The following ZNF865 variants were observed in gnomAD, a reference collection of about 807,000 sequenced individuals.
ZNF865 encodes zinc finger protein 865.
For missense variants in ZNF865, 1,311 were observed against 1,593.4 expected, an observed-to-expected ratio of 0.82 and a Z score of 3.02; for synonymous variants, 763 against 750.8, an observed-to-expected ratio of 1.02 and a Z score of -0.27.
chr19:55,615,591 G>T lies in ZNF865; in HGVS notation c.1973G>T (p.Gly658Val). The change falls in exon 2 of 2, where the codon GGC becomes GTC. Residue 658 changes from glycine (G) to valine (V), a missense_variant. By Grantham distance (109) the Gly-to-Val change is moderately radical (BLOSUM62 -3). Transcript: ENST00000568956. ...GGGGCCTGTGGGCCCGGGGCCTCGGGCACGTCTGCAGGGCCCACCGATGGG... is the reference window on the plus strand; with the variant it reads ...GGGGCCTGTGGGCCCGGGGCCTCGGTCACGTCTGCAGGGCCCACCGATGGG... Reference protein sequence around the residue: ...TPGACGPGASGTSAGPTDGLS... With the variant: ...TPGACGPGASVTSAGPTDGLS... The T allele has an allele frequency of 3.9e-6, 6 of 1,531,614 alleles. No individual in the cohort carries two copies. The highest frequency in any genetic ancestry group is 5.2e-6 in the Non-Finnish European group (6 of 1,145,080). 94.9% of individuals were successfully genotyped at this position (1,531,614 alleles called of 1,614,324 possible).
chr19:55,609,576 G>T (rs547683857), intron 1 of ZNF865, among the ~76,000 whole-genome samples: 1 of 152,338 alleles, frequency 6.6e-6, no homozygotes, highest in South Asian at 2.1e-4. Context: ...GCATCAGAAA[G>T]ACCTGGAATC....
rs1981131523 is a variant in ZNF865, at chr19:55,611,460, C to T, written c.-26-2133C>T. 6.6e-6 allele frequency among the ~76,000 whole-genome samples: 1 copy of T among 152,224 alleles called. No individual in the cohort carries two copies. Among genetic ancestry groups the T allele is most frequent in the African/African-American group, 2.4e-5 (1 of 41,454 alleles). The stretch of plus-strand genomic sequence containing the variant: ...GTCTCCCCAACTTAGGTTCCACCTA[C>T]AGCCTTCCAATTACCACCCCAGCCA... On this transcript the variant is annotated intron_variant, in intron 1 of 1. Transcript: ENST00000568956. The surrounding 1 kb of genome is among the most constrained non-coding windows in gnomAD (Gnocchi z 4.5).
At chr19:55,610,941 C>T (rs1981111214) in intron 1 of ZNF865, among the ~76,000 whole-genome samples, 1 of 152,164 alleles carries the variant, frequency 6.6e-6, no homozygotes, top group Non-Finnish European at 1.5e-5. Flanking sequence ...CCTCTCCCAC[C>T]AGGCCCCTTG....
intron 1 of ZNF865, among the ~76,000 whole-genome samples, chr19:55,608,550 G>A (rs1244817886): frequency 2.0e-5 from 3 of 152,090 alleles, no homozygotes; most frequent in African/African-American, 7.2e-5. Flanking sequence ...CCGACCTCAG[G>A]TGATCCGCCT....
chr19:55,613,630 C>T lies in ZNF865; in HGVS notation c.12C>T (p.Asn4=). The T allele has an allele frequency of 6.6e-7, 1 of 1,520,294 alleles. No homozygotes were observed. The highest frequency in any genetic ancestry group is 8.8e-7 in the Non-Finnish European group (1 of 1,138,800). 94.2% of individuals were successfully genotyped at this position (1,520,294 alleles called of 1,614,324 possible). MEA[N]PAGSGAGGGG... ...CCCACCCGCCGGAGATGGAGGCGAA[C>T]CCAGCGGGCAGCGGCGCCGGGGGTG... The change falls in exon 2 of 2, where the codon AAC becomes AAT. Residue 4 remains asparagine (N), a synonymous_variant. Coordinates refer to ENST00000568956, the MANE Select transcript of ZNF865 (RefSeq NM_001195605.2).
rs1341214505 is a variant in ZNF865 at position 55,614,762 on chromosome 19, G to A, written c.1144G>A (p.Val382Met). The A allele has an allele frequency of 2.5e-6, 4 of 1,579,038 alleles. No individual in the cohort carries two copies. The highest frequency in any genetic ancestry group is 2.6e-6 in the Non-Finnish European group (3 of 1,170,842). ...HTGEKPFSCS[V>M]CSKSFNRRES... ...GGGCGAGAAGCCCTTCTCCTGCTCC[G>A]TGTGCAGCAAAAGCTTCAACCGCAG... The change falls in exon 2 of 2, where the codon GTG (valine) becomes ATG (methionine). Residue 382 changes from valine to methionine, a missense_variant. Physicochemically the swap from Val to Met is conservative, Grantham distance 21 (BLOSUM62 1). Coordinates refer to ENST00000568956, the MANE Select transcript of ZNF865 (RefSeq NM_001195605.2). This position sits in a 1 kb window ranked among gnomAD's most constrained non-coding sequence, Gnocchi z 8.0.
In ZNF865 at chr19:55,613,892, CCCTCCTCGTCCTCGTCCTCGT is replaced by C. The variant is rs947720047; in HGVS notation, c.282_302del (p.Ser111_Ser117del). 3.5e-6 allele frequency: 5 copies of C among 1,441,430 alleles called. No individual in the cohort carries two copies. Among genetic ancestry groups the C allele is most frequent in the Non-Finnish European group, 4.6e-6 (5 of 1,084,088 alleles). The allele number at this position is 1,441,430 out of a possible 1,614,324, so 89.3% of individuals were successfully genotyped here. On this transcript the variant is annotated inframe_deletion, in exon 2 of 2. Coordinates refer to ENST00000568956, the MANE Select transcript of ZNF865 (RefSeq NM_001195605.2). ...CACCTTCAAGCCCAAGGCGGAGGTG[CCCTCCTCGTCCTCGTCCTCGT>C]CCTCCTCCTCCTCCTCTTCGTCCTC...
chr19:55,616,893 C>T lies in ZNF865; in HGVS notation c.*95C>T, dbSNP rs1367246111. ...CTCTTCCCCCCTCCTCGCTGTTGCC[C>T]CATCCTTCAGAACTTCACACGGACT... On this transcript the variant is annotated 3_prime_UTR_variant, in exon 2 of 2. Coordinates refer to ENST00000568956, the MANE Select transcript of ZNF865 (RefSeq NM_001195605.2). The T allele has an allele frequency of 7.6e-7, 1 of 1,318,880 alleles. No homozygotes were observed. The highest frequency in any genetic ancestry group is 1.7e-5 in the South Asian group (1 of 58,868). The allele number at this position is 1,318,880 out of a possible 1,614,324, so 81.7% of individuals were successfully genotyped here. A position where few individuals can be genotyped will look rare whatever the true frequency, so the allele number is the denominator to read the frequency against.
Position 55,615,180 on chromosome 19 carries a change from C to T in ZNF865, c.1562C>T (p.Pro521Leu). ...AAVVYGAVPV[P>L]LLGAHPLLLG... ...GTGGTGTACGGCGCTGTGCCCGTCC[C>T]GCTCCTGGGCGCCCACCCGCTGCTG... The change falls in exon 2 of 2, where the codon CCG becomes CTG. Residue 521 changes from proline to leucine, a missense_variant. Pro to Leu is a moderately conservative substitution (Grantham distance 98). Coordinates refer to ENST00000568956, the MANE Select transcript of ZNF865 (RefSeq NM_001195605.2). The T allele has an allele frequency of 7.2e-7, 1 of 1,389,808 alleles. No homozygotes were observed. Among genetic ancestry groups the T allele is most frequent in the Non-Finnish European group, 9.2e-7 (1 of 1,083,040 alleles). 86.1% of individuals were successfully genotyped at this position (1,389,808 alleles called of 1,614,324 possible).
At chr19:55,612,002 T>C (rs934695841) in intron 1 of ZNF865, among the ~76,000 whole-genome samples, 1 of 151,600 alleles carries the variant, frequency 6.6e-6, no homozygotes, top group Non-Finnish European at 1.5e-5. Flanking sequence ...GAAGCCCCAC[T>C]AAGGGCAAGG....
At position 55,614,445 on chromosome 19, in the gene ZNF865, A is replaced by T; in HGVS notation, c.827A>T (p.Asp276Val). The change falls in exon 2 of 2, where the codon GAC becomes GTC. Residue 276 changes from aspartate to valine, a missense_variant. Physicochemically the swap from Asp to Val is radical, Grantham distance 152. Transcript: ENST00000568956. This position sits in a 1 kb window ranked among gnomAD's most constrained non-coding sequence, Gnocchi z 8.0. The stretch of plus-strand genomic sequence containing the variant: ...ATCCGCCACCGCCGCTGCCACAAGG[A>T]CGTGCCACCGGCCGCGGGGGGCCCG... ...SLIRHRRCHK[D>V]VPPAAGGPPQ... The T allele has an allele frequency of 3.5e-6, 5 of 1,437,308 alleles. No homozygotes were observed. Among genetic ancestry groups the T allele is most frequent in the South Asian group, 1.3e-5 (1 of 74,464 alleles). 89.0% of individuals were successfully genotyped at this position (1,437,308 alleles called of 1,614,324 possible). A position where few individuals can be genotyped will look rare whatever the true frequency, so the allele number is the denominator to read the frequency against.
intron 1 of ZNF865, among the ~76,000 whole-genome samples, chr19:55,608,786 T>G (rs1304628388): frequency 6.6e-6 from 1 of 152,158 alleles, no homozygotes; most frequent in African/African-American, 2.4e-5. Flanking sequence ...TTGTTAGAGG[T>G]CAACAAATGT....
rs949595064 is a variant in ZNF865, at chr19:55,614,935, C to G, written c.1317C>G (p.Pro439=). The change falls in exon 2 of 2, where the codon CCC becomes CCG. Residue 439 remains proline (P), a synonymous_variant. Coordinates refer to ENST00000568956, the MANE Select transcript of ZNF865 (RefSeq NM_001195605.2). The surrounding 1 kb of genome is among the most constrained non-coding windows in gnomAD (Gnocchi z 8.0). ...GGGCGGGCGCCGGGGGGCCTCGGCC[C>G]GTGTACCCCTGCGACCTGTGCGGCA... The part of the protein sequence containing the change: ...HAGAGAGGPR[P]VYPCDLCGKS... 5 of 1,484,720 alleles carry G rather than the reference C, an allele frequency of 3.4e-6. No individual in the cohort carries two copies. Among genetic ancestry groups the G allele is most frequent in the African/African-American group, 1.4e-5 (1 of 70,392 alleles). The allele number at this position is 1,484,720 out of a possible 1,614,324, so 92.0% of individuals were successfully genotyped here. A position where few individuals can be genotyped will look rare whatever the true frequency, so the allele number is the denominator to read the frequency against.
chr19:55,614,829 T>C lies in ZNF865; in HGVS notation c.1211T>C (p.Leu404Pro). Residue 404 changes from leucine to proline, a missense_variant, in exon 2 of 2, where the codon CTC becomes CCC. Physicochemically the swap from Leu to Pro is moderately conservative, Grantham distance 98. Transcript: ENST00000568956. The surrounding 1 kb of genome is among the most constrained non-coding windows in gnomAD (Gnocchi z 8.0). ...CACGTGAAGACGCACTCGGCCGACC[T>C]CCTGCGCCTGCCCTGCGGCATCTGC... ...KRHVKTHSADLLRLPCGICGK... is the reference protein window; with the variant it reads ...KRHVKTHSADPLRLPCGICGK... 2 of 1,535,764 alleles carry C rather than the reference T, an allele frequency of 1.3e-6. No homozygotes were observed. Among genetic ancestry groups the C allele is most frequent in the African/African-American group, 1.4e-5 (1 of 72,808 alleles).
At position 55,611,907 on chromosome 19, in the gene ZNF865, G is replaced by A. The variant is rs927706750; in HGVS notation, c.-26-1686G>A. On this transcript the variant is annotated intron_variant, in intron 1 of 1. Transcript: ENST00000568956. The surrounding 1 kb of genome is among the most constrained non-coding windows in gnomAD (Gnocchi z 4.5). The stretch of plus-strand genomic sequence containing the variant: ...TGCTGAGGGTCTGGTGTGGTGTGGG[G>A]TACACACATGGATACCTGCCATCTG... Among the ~76,000 whole-genome samples the A allele has an allele frequency of 6.6e-6, 1 of 152,148 alleles. No individual in the cohort carries two copies. The highest frequency in any genetic ancestry group is 1.5e-5 in the Non-Finnish European group (1 of 68,032).
At position 55,616,870 on chromosome 19, in the gene ZNF865, C is replaced by CT; in HGVS notation, c.*74dup. The CT allele has an allele frequency of 7.3e-7, 1 of 1,374,880 alleles. No homozygotes were observed. The highest frequency in any genetic ancestry group is 3.2e-5 in the Admixed American group (1 of 31,164). The allele number at this position is 1,374,880 out of a possible 1,614,324, so 85.2% of individuals were successfully genotyped here. On this transcript the variant is annotated 3_prime_UTR_variant, in exon 2 of 2. Coordinates refer to ENST00000568956, the MANE Select transcript of ZNF865 (RefSeq NM_001195605.2). Reference sequence around the variant, plus strand: ...CCCACCTCCCAGGACTGATCAGACTCTTCCCCCCTCCTCGCTGTTGCCCCA... The same window carrying CT: ...CCCACCTCCCAGGACTGATCAGACTCTTTCCCCCCTCCTCGCTGTTGCCCCA...
Position 55,614,976 on chromosome 19 carries a change from C to T in ZNF865, c.1358C>T (p.Pro453Leu). Residue 453 changes from proline (P) to leucine (L), a missense_variant, in exon 2 of 2, where the codon CCG becomes CTG. Physicochemically the swap from Pro to Leu is moderately conservative, Grantham distance 98. Coordinates refer to ENST00000568956, the MANE Select transcript of ZNF865 (RefSeq NM_001195605.2). The surrounding 1 kb of genome is among the most constrained non-coding windows in gnomAD (Gnocchi z 8.0). ...CDLCGKSYSA[P>L]QSLLRHKAAH... ...CTGTGCGGCAAGTCCTACTCGGCTC[C>T]GCAGAGCCTGCTCCGCCACAAGGCC... 1 of 1,427,264 alleles carries T rather than the reference C, an allele frequency of 7.0e-7. No homozygotes were observed. The highest frequency in any genetic ancestry group is 9.1e-7 in the Non-Finnish European group (1 of 1,098,290). 88.4% of individuals were successfully genotyped at this position (1,427,264 alleles called of 1,614,324 possible).
At position 55,614,285 on chromosome 19, in the gene ZNF865, C is replaced by T; in HGVS notation, c.667C>T (p.Arg223Cys). 2 of 1,513,294 alleles carry T rather than the reference C, an allele frequency of 1.3e-6. No homozygotes were observed. Among genetic ancestry groups the T allele is most frequent in the Non-Finnish European group, 8.8e-7 (1 of 1,136,136 alleles). 93.7% of individuals were successfully genotyped at this position (1,513,294 alleles called of 1,614,324 possible). A position where few individuals can be genotyped will look rare whatever the true frequency, so the allele number is the denominator to read the frequency against. Residue 223 changes from arginine (R) to cysteine (C), a missense_variant, in exon 2 of 2, where the codon CGC (arginine) becomes TGC (cysteine). Physicochemically the swap from Arg to Cys is radical, Grantham distance 180 (BLOSUM62 -3). Coordinates refer to ENST00000568956, the MANE Select transcript of ZNF865 (RefSeq NM_001195605.2). The surrounding 1 kb of genome is among the most constrained non-coding windows in gnomAD (Gnocchi z 8.0). ...FRRLKYLMERRFPCGVCQKSF... is the reference protein window; with the variant it reads ...FRRLKYLMERCFPCGVCQKSF... The stretch of plus-strand genomic sequence containing the variant: ...GAGACTGAAGTACCTGATGGAGCGG[C>T]GCTTCCCCTGCGGCGTGTGCCAGAA...
At chr19:55,606,416 G>A (rs973150834) in intron 1 of ZNF865, among the ~76,000 whole-genome samples, 2 of 151,908 alleles carry the variant, frequency 1.3e-5, no homozygotes, top group Non-Finnish European at 2.9e-5. Context: ...ATCCTCTCCC[G>A]CCTCAGGTAG....
Sources: gnomAD v4.1 joint callset for allele counts (sites outside exome capture counted in the v4.1 genomes callset) on GRCh38, gnomAD v4.1.1 for gene constraint, Gnocchi (gnomAD v3.1) non-coding constraint, MANE v1.5 for transcripts, NCBI Gene and HGNC (gene_info 2026-07-23, HGNC 2026-07-21) for gene names.